The following ASB17 variants were observed in gnomAD, a reference collection of about 807,000 sequenced individuals.
ASB17 encodes ankyrin repeat and SOCS box protein 17.
A neutral mutation model predicts 25.7 loss-of-function variants in ASB17; 26 were observed. That is an observed-to-expected ratio of 1.01 (90% CI 0.74 to 1.40). The LOEUF (loss-of-function observed/expected upper bound fraction) is 1.40. Ranked by LOEUF, ASB17 falls within the 40% of genes most tolerant of loss-of-function variation. The pLI is 0.00. For synonymous variants in ASB17, 128 were observed against 121.4 expected, an observed-to-expected ratio of 1.05 and a Z score of -0.36; for missense variants, 326 against 338.5, an observed-to-expected ratio of 0.96 and a Z score of 0.29.
chr1:75,920,677 C>CA, intron 2 of ASB17, among the ~76,000 whole-genome samples: 1 of 152,216 alleles, frequency 6.6e-6, no homozygotes, highest in East Asian at 1.9e-4. Context: ...CTTTATTAAA[C>CA]TGCAATTGAT....
intron 1 of ASB17, among the ~76,000 whole-genome samples, chr1:75,923,506 A>T (rs1319972380): frequency 6.6e-6 from 1 of 152,174 alleles, no homozygotes. Context: ...TTCTATTAGC[A>T]AGCCATAATT....
intron 1 of ASB17, among the ~76,000 whole-genome samples, chr1:75,928,984 A>G (rs903678966): frequency 9.9e-5 from 15 of 152,264 alleles, no homozygotes; most frequent in African/African-American, 3.6e-4. Flanking sequence ...CTTTGAGAAG[A>G]TGGTATTTAT....
chr1:75,932,154 C>T lies in ASB17; in HGVS notation c.138G>A (p.Arg46=). ...GQWGYHCYEP[R]IYRSLAKILR... ...GAATTTTTGCCAGTGATCTGTAAAT[C>T]CTTGGTTCGTAACAGTGATATCCCC... is the stretch of plus-strand genomic sequence containing the variant. The change falls in exon 1 of 3, where the codon AGG becomes AGA. Residue 46 remains arginine (R), a synonymous_variant. Coordinates refer to ENST00000284142, the MANE Select transcript of ASB17 (RefSeq NM_080868.3). 1 of 1,614,104 alleles carries T rather than the reference C, an allele frequency of 6.2e-7. No homozygotes were observed. Among genetic ancestry groups the T allele is most frequent in the Non-Finnish European group, 8.5e-7 (1 of 1,179,994 alleles).
chr1:75,920,581 G>A (rs1405251891), intron 2 of ASB17, among the ~76,000 whole-genome samples: 2 of 152,186 alleles, frequency 1.3e-5, no homozygotes, highest in Non-Finnish European at 2.9e-5. Context: ...CTACTGGGAA[G>A]TGTGGAAATG....
intron 1 of ASB17, 59 bp downstream of exon 1, chr1:75,931,832 C>T (rs17097710): frequency 0.032 from 47,192 of 1,461,496 alleles, 1,153 homozygotes; most frequent in African/African-American, 0.12. Flanking sequence ...AAAAGAAGCA[C>T]TCTACTCTCG....
chr1:75,921,568 A>G (rs1653029075), intron 2 of ASB17, among the ~76,000 whole-genome samples: 2 of 152,334 alleles, frequency 1.3e-5, no homozygotes, highest in Middle Eastern at 3.4e-3. Flanking sequence ...GAAACTTTGT[A>G]AAGAAGGTCT....
At chr1:75,919,583 G>A (rs1281011862) in intron 2 of ASB17, among the ~76,000 whole-genome samples, 1 of 151,946 alleles carries the variant, frequency 6.6e-6, no homozygotes, top group Non-Finnish European at 1.5e-5. Flanking sequence ...TCCCCTTCCT[G>A]TGTCCATGTG....
chr1:75,930,086 AC>A (rs1294083043), intron 1 of ASB17, among the ~76,000 whole-genome samples: 1 of 151,676 alleles, frequency 6.6e-6, no homozygotes, highest in East Asian at 1.9e-4. Context: ...GGCAAAGTCA[AC>A]ACTGGGGATA....
intron 1 of ASB17, among the ~76,000 whole-genome samples, chr1:75,926,733 C>A (rs1220123897): frequency 6.6e-6 from 1 of 152,102 alleles, no homozygotes; most frequent in Non-Finnish European, 1.5e-5. Flanking sequence ...CAGGTAGAAC[C>A]AACAGATCCC....
chr1:75,929,472 G>T (rs148010182), intron 1 of ASB17, among the ~76,000 whole-genome samples: 3,906 of 152,080 alleles, frequency 0.026, 58 homozygotes, highest in Non-Finnish European at 0.029. Flanking sequence ...GCCCGCCTCA[G>T]CCTCCCAAAG....
intron 1 of ASB17, among the ~76,000 whole-genome samples, chr1:75,929,609 A>G (rs937778005): frequency 6.6e-6 from 1 of 152,158 alleles, no homozygotes. Flanking sequence ...GATTTTAACT[A>G]TGGTTGATAT....
intron 2 of ASB17, among the ~76,000 whole-genome samples, chr1:75,919,751 G>A (rs1317470693): frequency 1.3e-5 from 2 of 152,170 alleles, no homozygotes; most frequent in Non-Finnish European, 2.9e-5. Context: ...ATTCCATGGT[G>A]TATATGTGCC....
At chr1:75,929,203 ATTTT>A (rs201757257) in intron 1 of ASB17, among the ~76,000 whole-genome samples, 2 of 150,308 alleles carry the variant, frequency 1.3e-5, no homozygotes, top group African/African-American at 2.4e-5. Context: ...TAGGGTTTTT[ATTTT>A]TTTTTATTTA....
intron 1 of ASB17, among the ~76,000 whole-genome samples, chr1:75,926,941 G>A (rs1296841807): frequency 6.6e-6 from 1 of 152,054 alleles, no homozygotes; most frequent in Non-Finnish European, 1.5e-5. Flanking sequence ...CCCTCAGTAT[G>A]GCAAATAGGA....
chr1:75,920,060 C>G (rs568109453), intron 2 of ASB17, among the ~76,000 whole-genome samples: 2 of 152,082 alleles, frequency 1.3e-5, no homozygotes, highest in Non-Finnish European at 2.9e-5. Flanking sequence ...TAAAAAATAC[C>G]AGTGCTCAGG....
intron 1 of ASB17, among the ~76,000 whole-genome samples, chr1:75,929,225 A>AT (rs57992230): frequency 5.3e-5 from 8 of 150,736 alleles, no homozygotes; most frequent in Admixed American, 2.0e-4. Flanking sequence ...TTATTTATTT[A>AT]TTTTTTTTTA....
chr1:75,929,208 T>TA (rs1489077699), intron 1 of ASB17, among the ~76,000 whole-genome samples: 17 of 126,898 alleles, frequency 1.3e-4, no homozygotes, highest in South Asian at 5.5e-4. Flanking sequence ...TTTTTATTTT[T>TA]TTTTATTTAT....
At chr1:75,926,819 C>T (rs10732724) in intron 1 of ASB17, among the ~76,000 whole-genome samples, 92,709 of 151,846 alleles carry the variant, frequency 0.61, 28,544 homozygotes, top group East Asian at 0.73. Context: ...ATCTCTACCT[C>T]GATATCCATT....
At chr1:75,931,839 C>T in intron 1 of ASB17, 52 bp downstream of exon 1, 1 of 1,485,230 alleles carries the variant, frequency 6.7e-7, no homozygotes, top group Non-Finnish European at 9.0e-7. Flanking sequence ...GCACTCTACT[C>T]TCGTAAAGAT....
Sources: gnomAD v4.1 joint callset for allele counts (sites outside exome capture counted in the v4.1 genomes callset) on GRCh38, gnomAD v4.1.1 for gene constraint, MANE v1.5 for transcripts, NCBI Gene and HGNC (gene_info 2026-07-23, HGNC 2026-07-21) for gene names.